ASTN2: variants seen among roughly 807,000 people sequenced by gnomAD.
ASTN2 encodes astrotactin 2.
ASTN2 carries 54 observed loss-of-function variants against 139.8 expected under a neutral mutation model. The observed-to-expected ratio is 0.39, with a 90% CI of 0.31 to 0.48. ASTN2 has a LOEUF of 0.48. Ranked by LOEUF, ASTN2 falls within the 20% of genes least tolerant of loss-of-function variation. ASTN2 has a pLI of 0.95. For missense variants in ASTN2, 1,565 were observed against 1,725.1 expected, an observed-to-expected ratio of 0.91 and a Z score of 1.64; for synonymous variants, 756 against 719.5, an observed-to-expected ratio of 1.05 and a Z score of -0.81.
Position 116,698,263 on chromosome 9 carries a change from C to A in ASTN2, c.2806+27508G>T. Reference sequence around the variant, plus strand: ...CGGAAGGCAGCCTTGGAAGGTGTCTCCAAGGACCTTCAGGCAAGGTATAAA... The same window carrying A: ...CGGAAGGCAGCCTTGGAAGGTGTCTACAAGGACCTTCAGGCAAGGTATAAA... On this transcript the variant is annotated intron_variant, in intron 16 of 22. Transcript: ENST00000313400. This position sits in a 1 kb window ranked among gnomAD's most constrained non-coding sequence, Gnocchi z 4.4. 6.2e-7 allele frequency: 1 copy of A among 1,614,140 alleles called. No individual in the cohort carries two copies. The highest frequency in any genetic ancestry group is 8.5e-7 in the Non-Finnish European group (1 of 1,180,024).
At chr9:116,771,201 C>A (rs989957649) in intron 13 of ASTN2, among the ~76,000 whole-genome samples, 1 of 152,180 alleles carries the variant, frequency 6.6e-6, no homozygotes, top group African/African-American at 2.4e-5. Flanking sequence ...CCTCTATCAT[C>A]ACACAGGACT....
At chr9:116,586,690 A>G (rs1854156697) in intron 19 of ASTN2, among the ~76,000 whole-genome samples, 1 of 152,018 alleles carries the variant, frequency 6.6e-6, no homozygotes, top group Admixed American at 6.6e-5. Flanking sequence ...ATTGGGTACT[A>G]TGCTCACTAC....
In ASTN2 at chr9:116,426,068, C is replaced by T. The variant is rs144554135; in HGVS notation, c.3803G>A (p.Arg1268Gln). 9.8e-5 allele frequency: 158 copies of T among 1,613,454 alleles called. No individual in the cohort carries two copies. The highest frequency in any genetic ancestry group is 5.7e-4 in the African/African-American group (43 of 75,040). The change falls in exon 23 of 23, where the codon CGG becomes CAG. Residue 1268 changes from arginine to glutamine, a missense_variant. Physicochemically the swap from Arg to Gln is conservative, Grantham distance 43. Around this residue, in one of 4 missense-constraint regions of ASTN2, gnomAD observed 418 missense variants for 465.8 expected, o/e 0.90. Coordinates refer to ENST00000313400, the MANE Select transcript of ASTN2 (RefSeq NM_001365068.1). ...GTGGCTACTCACCCTCTCCAGTCGC[C>T]GTAGAATCAGGTGGGCCTTCCTGAA... ...LGPRKAHLIL[R>Q]RLERVSSHCS...
chr9:116,905,445 T>C (rs1235532875), intron 10 of ASTN2, among the ~76,000 whole-genome samples: 1 of 152,116 alleles, frequency 6.6e-6, no homozygotes, highest in African/African-American at 2.4e-5. Context: ...ACAGTCTTTA[T>C]CCTCTTAACC....
intron 1 of ASTN2, among the ~76,000 whole-genome samples, chr9:117,397,321 C>G (rs1564183996): frequency 6.6e-6 from 1 of 151,896 alleles, no homozygotes; most frequent in Non-Finnish European, 1.5e-5. Context: ...TATGAACATC[C>G]AAGAAAGTGG....
intron 16 of ASTN2, among the ~76,000 whole-genome samples, chr9:116,707,495 G>A (rs1020728174): frequency 1.3e-5 from 2 of 151,800 alleles, no homozygotes; most frequent in African/African-American, 4.8e-5. Flanking sequence ...GAGCAGGATC[G>A]AGAGGACCTT....
intron 3 of ASTN2, among the ~76,000 whole-genome samples, chr9:117,209,826 A>G (rs1436966763): frequency 6.6e-6 from 1 of 152,170 alleles, no homozygotes; most frequent in Non-Finnish European, 1.5e-5. Context: ...ATCTCAGAAA[A>G]TTTTAAAACA....
At chr9:116,623,176 T>C (rs956211526) in intron 17 of ASTN2, among the ~76,000 whole-genome samples, 2 of 80,618 alleles carry the variant, frequency 2.5e-5, no homozygotes, top group African/African-American at 6.3e-5. Flanking sequence ...TGTGTGTGTG[T>C]GTGTGTGTGT....
At chr9:116,534,416 T>C (rs1459109971) in intron 19 of ASTN2, among the ~76,000 whole-genome samples, 3 of 152,078 alleles carry the variant, frequency 2.0e-5, no homozygotes, top group Non-Finnish European at 2.9e-5. Context: ...TTTGAATGTG[T>C]TTGCTCTTGC....
At chr9:116,703,800 T>G (rs561038838) in intron 16 of ASTN2, among the ~76,000 whole-genome samples, 1 of 151,620 alleles carries the variant, frequency 6.6e-6, no homozygotes, top group African/African-American at 2.4e-5. Context: ...AGTATGAGAC[T>G]CAGGTCTCCA....
chr9:116,502,227 G>A (rs1407890867), intron 19 of ASTN2, among the ~76,000 whole-genome samples: 1 of 151,688 alleles, frequency 6.6e-6, no homozygotes, highest in Non-Finnish European at 1.5e-5. Context: ...GAGAGACATA[G>A]AGACACACAG....
intron 3 of ASTN2, among the ~76,000 whole-genome samples, chr9:117,212,839 T>C (rs1832184283): frequency 6.6e-6 from 1 of 152,208 alleles, no homozygotes; most frequent in Admixed American, 6.5e-5. Flanking sequence ...GTCATGCGAA[T>C]GTAAACTAGT....
At chr9:116,667,204 C>T (rs940358632) in intron 16 of ASTN2, among the ~76,000 whole-genome samples, 1 of 152,130 alleles carries the variant, frequency 6.6e-6, no homozygotes, top group African/African-American at 2.4e-5. Context: ...GATCCACCCA[C>T]CTCAGCCTCT....
At position 117,278,353 on chromosome 9, in the gene ASTN2, A is replaced by T. The variant is rs375559272; in HGVS notation, c.630+12973T>A. 9.8e-5 allele frequency among the ~76,000 whole-genome samples: 15 copies of T among 152,322 alleles called. No individual in the cohort carries two copies. In the East Asian group the frequency reaches 2.1e-3, roughly 22 times the overall value. On this transcript the variant is annotated intron_variant, in intron 2 of 22. Transcript: ENST00000313400. Reference sequence around the variant, plus strand: ...CTTCCACACAAGAGGAAACAACACAATTAGCTCAAAATGACAGCTAGATTA... The same window carrying T: ...CTTCCACACAAGAGGAAACAACACATTTAGCTCAAAATGACAGCTAGATTA...
chr9:117,400,505 C>G (rs991188992), intron 1 of ASTN2, among the ~76,000 whole-genome samples: 2 of 152,132 alleles, frequency 1.3e-5, no homozygotes, highest in Non-Finnish European at 2.9e-5. Context: ...CAGTAGGAAC[C>G]CTGCCATTGG....
chr9:117,104,483 TAAA>T (rs1829055273), intron 4 of ASTN2, among the ~76,000 whole-genome samples: 1 of 150,846 alleles, frequency 6.6e-6, no homozygotes, highest in Non-Finnish European at 1.5e-5. Context: ...GTAATAAAAA[TAAA>T]GAAGAAAAAA....
At chr9:117,332,470 G>A (rs1271268205) in intron 1 of ASTN2, among the ~76,000 whole-genome samples, 1 of 152,198 alleles carries the variant, frequency 6.6e-6, no homozygotes, top group Non-Finnish European at 1.5e-5. Flanking sequence ...TCAGGAGGCT[G>A]TGTGAGAATC....
At chr9:117,057,899 C>A (rs1839108950) in intron 5 of ASTN2, among the ~76,000 whole-genome samples, 1 of 152,200 alleles carries the variant, frequency 6.6e-6, no homozygotes, top group Non-Finnish European at 1.5e-5. Context: ...ATAGGCATAA[C>A]TATAACTTAG....
chr9:117,127,366 G>A lies in ASTN2; in HGVS notation c.1168+13960C>T, dbSNP rs146270360. 7.6e-3 allele frequency among the ~76,000 whole-genome samples: 1,156 copies of A among 152,320 alleles called. 10 individuals are homozygous for A. Among genetic ancestry groups the A allele is most frequent in the Non-Finnish European group, 0.01 (696 of 68,030 alleles). ...AGGTAGCAAGGCTGATACAGATACAGGAAGGGGTCAGGTGTTACAGCTGCT... is the reference window on the plus strand; with the variant it reads ...AGGTAGCAAGGCTGATACAGATACAAGAAGGGGTCAGGTGTTACAGCTGCT... On this transcript the variant is annotated intron_variant, in intron 4 of 22. Coordinates refer to ENST00000313400, the MANE Select transcript of ASTN2 (RefSeq NM_001365068.1).
Sources: allele counts gnomAD v4.1 joint callset (sites outside exome capture counted in the v4.1 genomes callset), GRCh38; gene constraint gnomAD v4.1.1; regional missense constraint gnomAD v4.1.1; non-coding constraint Gnocchi (gnomAD v3.1); transcripts MANE v1.5; gene names NCBI Gene and HGNC (gene_info 2026-07-23, HGNC 2026-07-21).